The following WWOX variants were observed in gnomAD, a reference collection of about 807,000 sequenced individuals.
The protein encoded by WWOX is WW domain containing oxidoreductase.
In WWOX, 69 loss-of-function variants were observed where a neutral mutation model predicts 46.2. That is an observed-to-expected ratio of 1.49 (90% CI 1.23 to 1.82). The LOEUF is 1.82. Among genes scored for constraint, WWOX ranks in the 40% most tolerant of loss-of-function variants. The probability of loss-of-function intolerance (pLI) is 0.00; values close to 1 mark genes in which losing one functional copy is unlikely to be tolerated. For missense variants in WWOX, 919 were observed against 542.6 expected (o/e 1.69, Z -6.89); for synonymous variants, 359 against 202.6 (o/e 1.77, Z -6.56).
chr16:78,815,713 A>G (rs963141800), intron 8 of WWOX, among the ~76,000 whole-genome samples: 3 of 152,142 alleles, frequency 2.0e-5, no homozygotes, highest in African/African-American at 4.8e-5. Context: ...GGAAATCTGA[A>G]AAGGAGCAAA....
intron 5 of WWOX, among the ~76,000 whole-genome samples, chr16:78,171,435 G>A (rs886548026): frequency 5.3e-5 from 8 of 152,146 alleles, no homozygotes; most frequent in African/African-American, 1.7e-4. Flanking sequence ...TGCCTTTGTG[G>A]ATGGAAGGCC....
chr16:79,188,324 C>T (rs761157590), intron 8 of WWOX, among the ~76,000 whole-genome samples: 4 of 152,220 alleles, frequency 2.6e-5, no homozygotes, highest in Admixed American at 1.3e-4. Context: ...GTTTTAGACA[C>T]AGCTTTGAGT....
intron 8 of WWOX, among the ~76,000 whole-genome samples, chr16:78,769,821 A>G (rs562136449): frequency 6.6e-6 from 1 of 151,456 alleles, no homozygotes; most frequent in African/African-American, 2.4e-5. Context: ...AGTGTGGACA[A>G]CATAGGGAGG....
intron 8 of WWOX, among the ~76,000 whole-genome samples, chr16:79,026,949 T>C (rs1325858380): frequency 6.6e-6 from 1 of 151,426 alleles, no homozygotes; most frequent in East Asian, 2.0e-4. Flanking sequence ...AGACTCTTAA[T>C]GAATTTTTGC....
At chr16:78,679,544 C>G (rs916004521) in intron 8 of WWOX, among the ~76,000 whole-genome samples, 1 of 152,018 alleles carries the variant, frequency 6.6e-6, no homozygotes, top group Non-Finnish European at 1.5e-5. Context: ...GAGTGAGACT[C>G]CATCTCAAAA....
chr16:78,334,533 C>G (rs569840943), intron 5 of WWOX, among the ~76,000 whole-genome samples: 3 of 151,922 alleles, frequency 2.0e-5, no homozygotes, highest in East Asian at 1.9e-4. Flanking sequence ...TTTTTTAATG[C>G]TGTTTTTCCA....
intron 5 of WWOX, among the ~76,000 whole-genome samples, chr16:78,321,857 G>A (rs1375388789): frequency 6.6e-6 from 1 of 152,032 alleles, no homozygotes; most frequent in African/African-American, 2.4e-5. Context: ...GGGATGGAGA[G>A]GCATATGATT....
intron 8 of WWOX, among the ~76,000 whole-genome samples, chr16:78,740,750 G>A (rs549374498): frequency 6.6e-6 from 1 of 152,110 alleles, no homozygotes; most frequent in South Asian, 2.1e-4. Flanking sequence ...ACCAAATGCA[G>A]GTCCACCCTG....
chr16:78,665,747 C>G (rs150744148), intron 8 of WWOX, among the ~76,000 whole-genome samples: 2 of 152,098 alleles, frequency 1.3e-5, no homozygotes, highest in African/African-American at 2.4e-5. Context: ...TGTAGTGATT[C>G]CATCTCAGCT....
intron 8 of WWOX, among the ~76,000 whole-genome samples, chr16:78,657,986 T>C (rs1048960227): frequency 6.6e-6 from 1 of 152,164 alleles, no homozygotes; most frequent in Non-Finnish European, 1.5e-5. Context: ...CTTTGATTTT[T>C]CACTTTATCC....
chr16:78,253,021 TAA>T lies in WWOX; in HGVS notation c.516+88734_516+88735del, dbSNP rs2038027346. The stretch of plus-strand genomic sequence containing the variant: ...ATCATCTATTTACGTAGGCCCTTTA[TAA>T]ATGTGGGACCATACCCTCTGTTTAG... On this transcript the variant is annotated intron_variant, in intron 5 of 8. Coordinates refer to ENST00000566780, the MANE Select transcript of WWOX (RefSeq NM_016373.4). Among the ~76,000 whole-genome samples, 4 of 152,372 alleles carry T rather than the reference TAA, an allele frequency of 2.6e-5. No individual in the cohort carries two copies. The East Asian group carries it at 7.7e-4, about 29-fold the overall frequency.
chr16:78,229,513 G>GATAT (rs1287003695), intron 5 of WWOX, among the ~76,000 whole-genome samples: 1 of 116,826 alleles, frequency 8.6e-6, no homozygotes, highest in Non-Finnish European at 1.7e-5. Context: ...TATCTATATA[G>GATAT]AGATATATAT....
intron 5 of WWOX, among the ~76,000 whole-genome samples, chr16:78,381,480 G>C (rs546121152): frequency 3.3e-5 from 5 of 152,180 alleles, no homozygotes; most frequent in African/African-American, 1.2e-4. Context: ...GGAGCAAGTG[G>C]GCTTCTGAGC....
At chr16:78,793,642 A>G (rs2142610567) in intron 8 of WWOX, among the ~76,000 whole-genome samples, 1 of 152,308 alleles carries the variant, frequency 6.6e-6, no homozygotes, top group Non-Finnish European at 1.5e-5. Flanking sequence ...GCACACAGCA[A>G]AAAAAACTTT....
intron 8 of WWOX, among the ~76,000 whole-genome samples, chr16:78,578,265 TA>T: frequency 4.0e-5 from 1 of 25,240 alleles, no homozygotes. Context: ...TATATATATA[TA>T]TATATATATA....
At chr16:78,267,322 G>T (rs1280115804) in intron 5 of WWOX, among the ~76,000 whole-genome samples, 2 of 152,136 alleles carry the variant, frequency 1.3e-5, no homozygotes, top group Non-Finnish European at 2.9e-5. Flanking sequence ...GCTTAATGTG[G>T]TCACACGGAT....
intron 8 of WWOX, among the ~76,000 whole-genome samples, chr16:79,191,501 C>G (rs1442914459): frequency 6.6e-6 from 1 of 152,182 alleles, no homozygotes; most frequent in African/African-American, 2.4e-5. Flanking sequence ...AAAGAATGGG[C>G]TGTCCTCTCC....
At chr16:78,697,726 A>G (rs1170702830) in intron 8 of WWOX, among the ~76,000 whole-genome samples, 3 of 152,196 alleles carry the variant, frequency 2.0e-5, no homozygotes, top group African/African-American at 4.8e-5. Context: ...CGGCTAAGCT[A>G]TCATGTTGAG....
At chr16:78,101,853 A>G (rs1414939175) in intron 1 of WWOX, among the ~76,000 whole-genome samples, 1 of 152,186 alleles carries the variant, frequency 6.6e-6, no homozygotes, top group African/African-American at 2.4e-5. Context: ...GCCAGTTGTC[A>G]TCCTTAGGAC....
Sources: allele counts gnomAD v4.1 joint callset (sites outside exome capture counted in the v4.1 genomes callset), GRCh38; gene constraint gnomAD v4.1.1; transcripts MANE v1.5; gene names NCBI Gene and HGNC (gene_info 2026-07-23, HGNC 2026-07-21).